Variants in CALCR observed in about 807,000 individuals in gnomAD.
CALCR encodes calcitonin receptor.
CALCR carries 47 observed loss-of-function variants against 59.5 expected under a neutral mutation model. The ratio of observed to expected loss-of-function variants is 0.79; its 90% confidence interval spans 0.63 to 1.01. The LOEUF (loss-of-function observed/expected upper bound fraction) is 1.01, where lower values mean the gene tolerates loss of function less well. CALCR is among the 50% of genes least tolerant of loss of function. CALCR has a pLI of 0.00. For missense variants in CALCR, 566 were observed against 597.1 expected, an observed-to-expected ratio of 0.95 and a Z score of 0.54; for synonymous variants, 213 against 211.3, an observed-to-expected ratio of 1.01 and a Z score of -0.07.
At chr7:93,437,975 A>C (rs1409639493) in intron 11 of CALCR, 85 bp downstream of exon 11, 1 of 1,146,482 alleles carries the variant, frequency 8.7e-7, no homozygotes, top group Non-Finnish European at 1.3e-6. Context: ...GAAGTTATAA[A>C]ACATATGATA....
intron 6 of CALCR, among the ~76,000 whole-genome samples, chr7:93,471,351 G>C (rs1286523407): frequency 6.6e-6 from 1 of 151,732 alleles, no homozygotes; most frequent in East Asian, 1.9e-4. Context: ...TTCTCAGGGT[G>C]ACTAAACCAT....
At chr7:93,502,112 C>T (rs963333299) in intron 2 of CALCR, among the ~76,000 whole-genome samples, 15 of 151,948 alleles carry the variant, frequency 9.9e-5, no homozygotes, top group Non-Finnish European at 8.8e-5. Flanking sequence ...AAATGGACTC[C>T]TTTTTTGAAG....
At chr7:93,546,640 C>A (rs1330296433) in intron 2 of CALCR, among the ~76,000 whole-genome samples, 1 of 151,604 alleles carries the variant, frequency 6.6e-6, no homozygotes, top group Non-Finnish European at 1.5e-5. Flanking sequence ...CAGCCTCGAC[C>A]TTTCTGGCTC....
chr7:93,563,234 G>C (rs1789787954), intron 2 of CALCR, among the ~76,000 whole-genome samples: 1 of 152,146 alleles, frequency 6.6e-6, no homozygotes, highest in South Asian at 2.1e-4. Context: ...TCATTTCCAA[G>C]TGAGTGAATA....
At position 93,426,143 on chromosome 7, in the gene CALCR, A is replaced by T; in HGVS notation, c.*213T>A. The T allele has an allele frequency of 1.9e-6, 1 of 513,448 alleles. No individual in the cohort carries two copies. Among genetic ancestry groups the T allele is most frequent in the Middle Eastern group, 5.2e-4 (1 of 1,938 alleles). 31.8% of individuals were successfully genotyped at this position (513,448 alleles called of 1,614,324 possible). The stretch of plus-strand genomic sequence containing the variant: ...CAGTCCTGGATGAATGATGGAGTTC[A>T]CAAGTTGCAGTGGGAGACTCCATTC... On this transcript the variant is annotated 3_prime_UTR_variant, in exon 14 of 14. Coordinates refer to ENST00000426151, the MANE Select transcript of CALCR (RefSeq NM_001742.4).
At chr7:93,431,249 C>T (rs1799652768) in intron 13 of CALCR, among the ~76,000 whole-genome samples, 1 of 152,160 alleles carries the variant, frequency 6.6e-6, no homozygotes, top group African/African-American at 2.4e-5. Flanking sequence ...TCTTAGGAAC[C>T]CTCCATTACA....
At chr7:93,514,958 C>T (rs1388978238) in intron 2 of CALCR, among the ~76,000 whole-genome samples, 1 of 152,010 alleles carries the variant, frequency 6.6e-6, no homozygotes, top group East Asian at 1.9e-4. Flanking sequence ...GAAACTGTAC[C>T]ACTCACTTAA....
chr7:93,518,212 A>C (rs1801686655), intron 2 of CALCR, among the ~76,000 whole-genome samples: 1 of 151,182 alleles, frequency 6.6e-6, no homozygotes. Flanking sequence ...TTACAAGACC[A>C]CACACACACA....
chr7:93,564,968 G>A (rs1236612123), intron 2 of CALCR, among the ~76,000 whole-genome samples: 1 of 152,174 alleles, frequency 6.6e-6, no homozygotes, highest in African/African-American at 2.4e-5. Flanking sequence ...ATGAATGGTA[G>A]GTGCGGGACA....
At chr7:93,545,303 C>A (rs1038916000) in intron 2 of CALCR, among the ~76,000 whole-genome samples, 2 of 151,948 alleles carry the variant, frequency 1.3e-5, no homozygotes, top group Non-Finnish European at 2.9e-5. Flanking sequence ...CTGTAGAGTG[C>A]TGGTTTTGTT....
chr7:93,468,846 T>G, intron 6 of CALCR, 40 bp from the exon 7 acceptor site: 3 of 556,716 alleles, frequency 5.4e-6, no homozygotes, highest in Non-Finnish European at 8.7e-6. Flanking sequence ...AATGAATGAA[T>G]GATTCATCAG....
intron 13 of CALCR, among the ~76,000 whole-genome samples, chr7:93,427,607 G>A (rs563753565): frequency 6.6e-6 from 1 of 152,140 alleles, no homozygotes; most frequent in Non-Finnish European, 1.5e-5. Context: ...ACTAAATCAT[G>A]TAACTACTTG....
At chr7:93,481,042 T>C (rs1184398293) in intron 3 of CALCR, among the ~76,000 whole-genome samples, 1 of 151,844 alleles carries the variant, frequency 6.6e-6, no homozygotes, top group Non-Finnish European at 1.5e-5. Flanking sequence ...GTTAGCAACC[T>C]CTCACTAGAT....
chr7:93,526,958 T>C (rs999879844), intron 2 of CALCR, among the ~76,000 whole-genome samples: 31 of 152,094 alleles, frequency 2.0e-4, no homozygotes, highest in Non-Finnish European at 3.7e-4. Flanking sequence ...TGAACCAAAT[T>C]GTTCCAAAGA....
intron 8 of CALCR, among the ~76,000 whole-genome samples, chr7:93,457,396 C>T (rs1295204772): frequency 6.6e-6 from 1 of 152,048 alleles, no homozygotes; most frequent in African/African-American, 2.4e-5. Flanking sequence ...AGAAAAAAAC[C>T]TGAATTTTGA....
rs142674034 is a variant in CALCR at position 93,432,998 on chromosome 7, C to A, written c.1191+1255G>T. Reference sequence around the variant, plus strand: ...TCTAGGCCCTTAGTCTAGCCCTTAGCAATAGTAAATGCACAATGTATTTTT... The same window carrying A: ...TCTAGGCCCTTAGTCTAGCCCTTAGAAATAGTAAATGCACAATGTATTTTT... On this transcript the variant is annotated intron_variant, in intron 13 of 13. Transcript: ENST00000426151. Among the ~76,000 whole-genome samples the A allele has an allele frequency of 1.3e-4, 20 of 152,096 alleles. 1 individual carries two copies. In the East Asian group the frequency reaches 3.9e-3, roughly 29 times the overall value.
At chr7:93,514,638 G>A (rs1406167895) in intron 2 of CALCR, among the ~76,000 whole-genome samples, 4 of 151,968 alleles carry the variant, frequency 2.6e-5, no homozygotes, top group Non-Finnish European at 4.4e-5. Flanking sequence ...GTCTGTGAAT[G>A]TACTAATGCA....
intron 2 of CALCR, among the ~76,000 whole-genome samples, chr7:93,550,652 T>C (rs1451306902): frequency 1.0e-5 from 1 of 96,686 alleles, no homozygotes; most frequent in East Asian, 2.3e-4. Context: ...AGAGACAGAG[T>C]TTTGTAACAA....
chr7:93,483,808 G>T (rs1800860729), intron 3 of CALCR: 1 of 297,792 alleles, frequency 3.4e-6, no homozygotes, highest in Non-Finnish European at 7.2e-6. Context: ...TTCACATTCA[G>T]ATAGAAATGA....
Sources: allele counts gnomAD v4.1 joint callset (sites outside exome capture counted in the v4.1 genomes callset), GRCh38; gene constraint gnomAD v4.1.1; transcripts MANE v1.5; gene names NCBI Gene and HGNC (gene_info 2026-07-23, HGNC 2026-07-21).